The following HDAC9 variants were observed in gnomAD, a reference collection of about 807,000 sequenced individuals.
HDAC9 encodes histone deacetylase 9, also known as MEF-2 interacting transcription repressor (MITR) protein.
Under a neutral mutation model 139.4 loss-of-function variants are expected in HDAC9, and 41 were observed. The ratio of observed to expected loss-of-function variants is 0.29; its 90% confidence interval spans 0.23 to 0.38. HDAC9 has a LOEUF of 0.38. HDAC9 is among the 10% of genes least tolerant of loss of function. The pLI is 1.00. For missense variants in HDAC9, 1,147 were observed against 1,297.0 expected (o/e 0.88, Z 1.78); for synonymous variants, 517 against 476.2 (o/e 1.09, Z -1.12).
intron 11 of HDAC9, among the ~76,000 whole-genome samples, chr7:18,661,251 C>A (rs1428212140): frequency 1.3e-5 from 2 of 152,044 alleles, no homozygotes; most frequent in Non-Finnish European, 2.9e-5. Context: ...TTGGCTCATG[C>A]AGTTGGGTAA....
intron 2 of HDAC9, among the ~76,000 whole-genome samples, chr7:18,549,609 C>G (rs1051211991): frequency 6.6e-6 from 1 of 152,122 alleles, no homozygotes; most frequent in Non-Finnish European, 1.5e-5. Context: ...ATGTTAACTT[C>G]CTGATTTTGA....
At chr7:18,946,050 A>G (rs1383868004) in intron 23 of HDAC9, among the ~76,000 whole-genome samples, 1 of 133,154 alleles carries the variant, frequency 7.5e-6, no homozygotes, top group Non-Finnish European at 1.5e-5. Context: ...AAAAAAAAAA[A>G]AAAAAAAAAA....
intron 11 of HDAC9, among the ~76,000 whole-genome samples, chr7:18,664,440 G>T (rs1000637464): frequency 1.3e-5 from 2 of 151,984 alleles, no homozygotes; most frequent in Non-Finnish European, 2.9e-5. Context: ...TATTTCTCTA[G>T]ATTCTTACTC....
intron 1 of HDAC9, among the ~76,000 whole-genome samples, chr7:18,440,191 T>A (rs1318138001): frequency 1.4e-5 from 2 of 147,150 alleles, no homozygotes; most frequent in Non-Finnish European, 3.0e-5. Context: ...TTTTTTTTCT[T>A]TTTTTTTTTT....
chr7:18,629,606 T>C (rs1237805640), intron 7 of HDAC9, 125 bp downstream of exon 7: 1 of 958,496 alleles, frequency 1.0e-6, no homozygotes, highest in Non-Finnish European at 1.5e-6. Context: ...GAAAGGAAAT[T>C]ATATTGAAAA....
At chr7:18,907,153 C>CT (rs547933252) in intron 22 of HDAC9, 8 of 152,324 alleles carry the variant, frequency 5.3e-5, no homozygotes, top group African/African-American at 1.9e-4. Context: ...GGAGTCAATC[C>CT]TGCAGGATGT....
intron 12 of HDAC9, among the ~76,000 whole-genome samples, chr7:18,680,897 T>G (rs1039693017): frequency 1.3e-5 from 2 of 152,004 alleles, no homozygotes; most frequent in African/African-American, 2.4e-5. Flanking sequence ...ATCTTTGCAT[T>G]TTTACCATTT....
At chr7:18,373,752 A>AT (rs1225030711) in intron 1 of HDAC9, among the ~76,000 whole-genome samples, 5 of 152,122 alleles carry the variant, frequency 3.3e-5, no homozygotes, top group African/African-American at 9.6e-5. Context: ...AATCATTGAC[A>AT]TTTTTTAGGT....
intron 12 of HDAC9, among the ~76,000 whole-genome samples, chr7:18,714,846 A>G (rs145019747): frequency 6.6e-5 from 10 of 152,298 alleles, no homozygotes; most frequent in African/African-American, 2.4e-4. Context: ...TGAGTCCACC[A>G]TTGTATCTTC....
rs367942853 is a variant in HDAC9 at position 18,314,287 on chromosome 7, C to T, written c.-42+23772C>T. On this transcript the variant is annotated intron_variant, in intron 1 of 3. Transcript: ENST00000413509. ...TAGCCCAGCCAAAGGGATAGTGTCC[C>T]ATTTGCAGAGGATCTGCAGTCACTG... Among the ~76,000 whole-genome samples the T allele has an allele frequency of 9.8e-5, 15 of 152,308 alleles. No individual in the cohort carries two copies. In the East Asian group the frequency reaches 2.7e-3, roughly 27 times the overall value.
intron 1 of HDAC9, among the ~76,000 whole-genome samples, chr7:18,128,864 C>T (rs1022680543): frequency 2.0e-5 from 3 of 151,708 alleles, no homozygotes; most frequent in African/African-American, 7.3e-5. Context: ...TTTTTTCTCC[C>T]TCCCTCTCTC....
chr7:18,311,823 C>T (rs1009983199), intron 1 of HDAC9, among the ~76,000 whole-genome samples: 38 of 152,230 alleles, frequency 2.5e-4, no homozygotes, highest in African/African-American at 8.9e-4. Context: ...TGTAGACTGG[C>T]GTTAGAGCTA....
rs562990207 is a variant in HDAC9, at chr7:18,348,063, A to G, written c.-42+57548A>G. Among the ~76,000 whole-genome samples the G allele has an allele frequency of 2.6e-5, 4 of 152,270 alleles. No individual in the cohort carries two copies. In the South Asian group the frequency reaches 8.3e-4, roughly 32 times the overall value. On this transcript the variant is annotated intron_variant, in intron 1 of 3. Coordinates refer to the HDAC9 transcript ENST00000413509. ...GCAGTAACTAGCAACTGTTTCTCAA[A>G]ATTCCCTCATCATTAGGATCTCTTG...
chr7:18,217,032 T>C (rs1584687942), intron 2 of HDAC9, among the ~76,000 whole-genome samples: 1 of 152,254 alleles, frequency 6.6e-6, no homozygotes, highest in East Asian at 1.9e-4. Context: ...TCCATATTTT[T>C]CCATTCCTTC....
At chr7:18,203,760 G>C (rs556058862) in intron 2 of HDAC9, among the ~76,000 whole-genome samples, 17 of 152,312 alleles carry the variant, frequency 1.1e-4, no homozygotes, top group African/African-American at 4.1e-4. Context: ...CCACTTCCTA[G>C]TTTGTTTCTG....
chr7:18,558,509 G>A (rs1368970129), intron 2 of HDAC9, among the ~76,000 whole-genome samples: 1 of 152,130 alleles, frequency 6.6e-6, no homozygotes, highest in African/African-American at 2.4e-5. Context: ...GTTGTGCTTA[G>A]CCTAACATAC....
intron 22 of HDAC9, among the ~76,000 whole-genome samples, chr7:18,896,829 C>T (rs1270325456): frequency 6.6e-6 from 1 of 152,002 alleles, no homozygotes; most frequent in Non-Finnish European, 1.5e-5. Flanking sequence ...AGACCCAATT[C>T]CTTCACACTG....
Position 18,709,574 on chromosome 7 carries a change from C to A in HDAC9, c.1732-18006C>A, listed in dbSNP as rs192187125. On this transcript the variant is annotated intron_variant, in intron 12 of 25. Coordinates refer to ENST00000686413, the MANE Select transcript of HDAC9 (RefSeq NM_178425.4). ...AAACATATCTCAGAGTTTTTGAAAC[C>A]CCAAATATTATAGCTTAATTCACTT... Among the ~76,000 whole-genome samples, 404 of 151,944 alleles carry A rather than the reference C, an allele frequency of 2.7e-3. 6 individuals carry two copies. The highest frequency in any genetic ancestry group is 5.7e-4 in the Non-Finnish European group (39 of 67,952).
intron 1 of HDAC9, among the ~76,000 whole-genome samples, chr7:18,479,903 G>C (rs1343696553): frequency 6.6e-6 from 1 of 151,230 alleles, no homozygotes; most frequent in Non-Finnish European, 1.5e-5. Context: ...AGTTATCCTA[G>C]ATTGCAATGC....
Sources: gnomAD v4.1 joint callset for allele counts (sites outside exome capture counted in the v4.1 genomes callset) on GRCh38, gnomAD v4.1.1 for gene constraint, MANE v1.5 for transcripts, NCBI Gene and HGNC (gene_info 2026-07-23, HGNC 2026-07-21) for gene names.